The following SEC22C variants were observed in gnomAD, a reference collection of about 807,000 sequenced individuals.
SEC22C encodes the protein vesicle-trafficking protein SEC22c.
SEC22C carries 29 observed loss-of-function variants against 34.7 expected under a neutral mutation model. The ratio of observed to expected loss-of-function variants is 0.84; its 90% confidence interval spans 0.62 to 1.14. The LOEUF (loss-of-function observed/expected upper bound fraction) is 1.14. Ranked by LOEUF, SEC22C falls within the 50% of genes most tolerant of loss-of-function variation. The pLI is 0.00. For synonymous variants in SEC22C, 117 were observed against 132.8 expected, an observed-to-expected ratio of 0.88 and a Z score of 0.82; for missense variants, 337 against 369.0, an observed-to-expected ratio of 0.91 and a Z score of 0.71.
At chr3:42,596,483 T>G (rs1011569119) in intron 1 of SEC22C, among the ~76,000 whole-genome samples, 4 of 152,200 alleles carry the variant, frequency 2.6e-5, no homozygotes, top group Non-Finnish European at 5.9e-5. Context: ...TACCAGTGGT[T>G]CTTCTTCATG....
At chr3:42,561,698 A>G (rs1202134838) in intron 3 of SEC22C, among the ~76,000 whole-genome samples, 3 of 152,362 alleles carry the variant, frequency 2.0e-5, no homozygotes, top group South Asian at 2.1e-4. Flanking sequence ...TGAAGTTCAC[A>G]TTTCTAAGAG....
rs189708135 is a variant in SEC22C at position 42,555,988 on chromosome 3, T to C, written c.653A>G (p.His218Arg). 3 of 1,613,050 alleles carry C rather than the reference T, an allele frequency of 1.9e-6. No homozygotes were observed. Among genetic ancestry groups the C allele is most frequent in the South Asian group, 2.2e-5 (2 of 90,936 alleles). Residue 218 changes from histidine to arginine, a missense_variant, in exon 6 of 7, where the codon CAT becomes CGT. Coordinates refer to ENST00000264454, the MANE Select transcript of SEC22C (RefSeq NM_032970.4). ...AGCCAGAATGTTTCCAATTTCCTCA[T>C]GGGCAACCTAAAACAAATACAAGGA... ...HLAEHSLQVA[H>R]EEIGNILAFL...
rs995235447 is a variant in SEC22C, at chr3:42,549,542, G to A, written c.*3706C>T. On this transcript the variant is annotated 3_prime_UTR_variant, in exon 7 of 7. Coordinates refer to ENST00000264454, the MANE Select transcript of SEC22C (RefSeq NM_032970.4). Reference sequence around the variant, plus strand: ...CCTGCTGGCTATTGTCTCTGACTCTGAGCTGTGCTGACCACCAAGTGTTAC... The same window carrying A: ...CCTGCTGGCTATTGTCTCTGACTCTAAGCTGTGCTGACCACCAAGTGTTAC... 1.0e-6 allele frequency: 1 copy of A among 973,420 alleles called. No homozygotes were observed. 60.3% of individuals were successfully genotyped at this position (973,420 alleles called of 1,614,324 possible). A position where few individuals can be genotyped will look rare whatever the true frequency, so the allele number is the denominator to read the frequency against.
chr3:42,582,522 G>A (rs1231137306), upstream of SEC22C, among the ~76,000 whole-genome samples: 1 of 152,262 alleles, frequency 6.6e-6, no homozygotes, highest in East Asian at 1.9e-4. Context: ...AGGTAGCAGA[G>A]TCCGTCCATT....
intron 1 of SEC22C, among the ~76,000 whole-genome samples, chr3:42,580,889 C>A (rs78561279): frequency 2.3e-3 from 354 of 152,360 alleles, no homozygotes; most frequent in Non-Finnish European, 4.2e-3. Context: ...ACACTTGTTA[C>A]AACTGCTCTT....
At chr3:42,592,691 G>A (rs34977988) in intron 1 of SEC22C, among the ~76,000 whole-genome samples, 26,113 of 151,988 alleles carry the variant, frequency 0.17, 2,712 homozygotes, top group African/African-American at 0.29. Flanking sequence ...AAAAGTTTAT[G>A]GTAAATACCT....
At chr3:42,591,156 G>A in intron 1 of SEC22C, 1 of 645,770 alleles carries the variant, frequency 1.5e-6, no homozygotes. Context: ...CATGGGGTTC[G>A]GTCCCCCGCC....
intron 1 of SEC22C, among the ~76,000 whole-genome samples, chr3:42,597,840 T>C (rs1251935451): frequency 6.6e-6 from 1 of 152,254 alleles, no homozygotes; most frequent in Non-Finnish European, 1.5e-5. Flanking sequence ...GTGAGCCCAA[T>C]TTCCAAATTT....
chr3:42,553,484 A>G (rs764704901), intron 6 of SEC22C, 36 bp from the exon 7 acceptor site: 1 of 1,602,898 alleles, frequency 6.2e-7, no homozygotes, highest in East Asian at 2.2e-5. Context: ...CCAATCAGAG[A>G]TAAAATGGCC....
chr3:42,590,979 G>A (rs776420551), intron 1 of SEC22C: 2 of 1,314,408 alleles, frequency 1.5e-6, no homozygotes, highest in South Asian at 1.7e-5. Context: ...GAGCATCCAC[G>A]CGGGCGGGCG....
intron 1 of SEC22C, chr3:42,590,884 G>A: frequency 1.2e-6 from 2 of 1,613,936 alleles, no homozygotes; most frequent in Non-Finnish European, 1.7e-6. Context: ...TCGTGGTTCC[G>A]GAGGTTCCTC....
At chr3:42,566,213 C>A (rs922574809) in intron 2 of SEC22C, among the ~76,000 whole-genome samples, 2 of 152,170 alleles carry the variant, frequency 1.3e-5, no homozygotes, top group African/African-American at 4.8e-5. Flanking sequence ...GCCCACATCA[C>A]CAGGTGACAG....
At position 42,569,024 on chromosome 3, in the gene SEC22C, C is replaced by G; in HGVS notation, c.23G>C (p.Cys8Ser). Residue 8 changes from cysteine (C) to serine (S), a missense_variant, in exon 2 of 7, where the codon TGC becomes TCC. Cys to Ser is a moderately radical substitution (Grantham distance 112). Coordinates refer to ENST00000264454, the MANE Select transcript of SEC22C (RefSeq NM_032970.4). ...CAGTCCATCCCTTACCCGTACCACG[C>G]AGGCAAAAAAGATCACGGACATGGT... MSVIFFA[C>S]VVRVRDGLPL... 6.2e-7 allele frequency: 1 copy of G among 1,613,340 alleles called. No homozygotes were observed. The highest frequency in any genetic ancestry group is 8.5e-7 in the Non-Finnish European group (1 of 1,179,796).
chr3:42,586,990 T>C (rs1704633836), upstream of SEC22C, among the ~76,000 whole-genome samples: 1 of 152,120 alleles, frequency 6.6e-6, no homozygotes, highest in Admixed American at 6.5e-5. Context: ...ATCCCTAATT[T>C]CCCTTTTCTT....
chr3:42,597,487 CA>C (rs1409822818), intron 1 of SEC22C, among the ~76,000 whole-genome samples: 4 of 150,388 alleles, frequency 2.7e-5, no homozygotes, highest in Non-Finnish European at 4.4e-5. Flanking sequence ...TCTCAGGAGG[CA>C]GAGGTTGCAG....
chr3:42,597,803 A>G (rs1705072835), intron 1 of SEC22C, among the ~76,000 whole-genome samples: 1 of 152,218 alleles, frequency 6.6e-6, no homozygotes, highest in Admixed American at 6.5e-5. Flanking sequence ...GGCCCAGGTA[A>G]ACCAAAAGAT....
At chr3:42,585,894 T>A (rs577596835), upstream of SEC22C, among the ~76,000 whole-genome samples, 18 of 152,060 alleles carry the variant, frequency 1.2e-4, no homozygotes, top group African/African-American at 4.3e-4. Context: ...TCCCCCAAAA[T>A]CAACTTCCAA....
rs1318980185 is a variant in SEC22C, at chr3:42,568,962, C to T, written c.85G>A (p.Asp29Asn). The part of the protein sequence containing the change: ...SASTDFYHTQ[D>N]FLEWRRRLKS... ...AGCCGTCTCCTCCATTCCAAAAAATCTTGGGTGTGGTAAAAATCAGTAGAG... is the reference window on the plus strand; with the variant it reads ...AGCCGTCTCCTCCATTCCAAAAAATTTTGGGTGTGGTAAAAATCAGTAGAG... Residue 29 changes from aspartate (D) to asparagine (N), a missense_variant, in exon 2 of 7, where the codon GAT (aspartate) becomes AAT (asparagine). Asp to Asn is a conservative substitution (Grantham distance 23). Transcript: ENST00000264454. 6.2e-7 allele frequency: 1 copy of T among 1,614,156 alleles called. No homozygotes were observed. The highest frequency in any genetic ancestry group is 2.2e-5 in the East Asian group (1 of 44,878).
At chr3:42,599,256 C>A (rs947143816) in intron 1 of SEC22C, among the ~76,000 whole-genome samples, 11 of 151,138 alleles carry the variant, frequency 7.3e-5, no homozygotes, top group African/African-American at 2.7e-4. Flanking sequence ...TGAGCCACCA[C>A]GCCCGCCCAT....
Sources: allele counts gnomAD v4.1 joint callset (sites outside exome capture counted in the v4.1 genomes callset), GRCh38; gene constraint gnomAD v4.1.1; transcripts MANE v1.5; gene names NCBI Gene and HGNC (gene_info 2026-07-23, HGNC 2026-07-21).